STPG2: variants seen among roughly 807,000 people sequenced by gnomAD.
STPG2 encodes the protein sperm tail PG-rich repeat containing 2, also known as sperm-tail PG-rich repeat-containing protein 2.
Under a neutral mutation model 54.2 loss-of-function variants are expected in STPG2, and 56 were observed. The observed-to-expected ratio is 1.03, with a 90% CI of 0.83 to 1.29. STPG2 has a LOEUF of 1.29. STPG2 is among the 50% of genes most tolerant of loss of function. The pLI is 0.00. For missense variants in STPG2, 596 were observed against 544.9 expected (o/e 1.09, Z -0.93); for synonymous variants, 200 against 181.8 (o/e 1.10, Z -0.81).
At chr4:97,919,521 A>C (rs1024962711) in intron 8 of STPG2, among the ~76,000 whole-genome samples, 4 of 151,858 alleles carry the variant, frequency 2.6e-5, no homozygotes, top group Admixed American at 1.3e-4. Flanking sequence ...CATAAACACA[A>C]AAAAAAGAAG....
chr4:98,083,327 A>T (rs573554474), intron 5 of STPG2, among the ~76,000 whole-genome samples: 1 of 152,368 alleles, frequency 6.6e-6, no homozygotes, highest in South Asian at 2.1e-4. Flanking sequence ...GTATATCAGA[A>T]TTAATTTTTT....
chr4:97,685,435 G>T (rs111740131), intron 10 of STPG2, among the ~76,000 whole-genome samples: 1 of 152,084 alleles, frequency 6.6e-6, no homozygotes, highest in African/African-American at 2.4e-5. Flanking sequence ...CATATGAAGT[G>T]AAAAAAGCCA....
rs187650353 is a variant in STPG2 at position 97,615,080 on chromosome 4, C to T, written c.1321-55963G>A. On this transcript the variant is annotated intron_variant, in intron 10 of 10. Transcript: ENST00000295268. ...CTTTGGGGGCACTGTCCCCATTAAC[C>T]TTTTGTGAAGCATTAATGGTTTCAC... Among the ~76,000 whole-genome samples the T allele has an allele frequency of 4.9e-4, 75 of 152,190 alleles. 2 individuals carry two copies. The East Asian group carries it at 0.014, about 28-fold the overall frequency.
intron 8 of STPG2, among the ~76,000 whole-genome samples, chr4:97,881,863 T>A (rs1485363387): frequency 1.3e-5 from 2 of 152,186 alleles, no homozygotes; most frequent in Non-Finnish European, 2.9e-5. Context: ...TTAATGTTTT[T>A]AATTTCAAAA....
rs1487911458 is a variant in STPG2 at position 97,991,069 on chromosome 4, C to T, written c.613-9751G>A. 2.0e-5 allele frequency among the ~76,000 whole-genome samples: 3 copies of T among 151,984 alleles called. No homozygotes were observed. In the East Asian group the frequency reaches 5.8e-4, roughly 29 times the overall value. The stretch of plus-strand genomic sequence containing the variant: ...ATTCTTTTATCCCTCACCTCCATCC[C>T]ACCCTTTCCCTCGAGTCCCCGAAGC... On this transcript the variant is annotated intron_variant, in intron 5 of 10. Transcript: ENST00000295268.
At chr4:97,766,751 C>T (rs1413688369) in intron 9 of STPG2, among the ~76,000 whole-genome samples, 2 of 151,898 alleles carry the variant, frequency 1.3e-5, no homozygotes, top group Admixed American at 1.3e-4. Flanking sequence ...TTGTTTTTGT[C>T]AAATAAATAA....
chr4:97,509,587 A>G (rs977893832), intron 4 of STPG2, among the ~76,000 whole-genome samples: 2 of 152,148 alleles, frequency 1.3e-5, no homozygotes, highest in Non-Finnish European at 1.5e-5. Context: ...ATCTAAAAAC[A>G]AAGCCTTTTT....
At chr4:97,452,120 A>ACCCC in intron 4 of STPG2, among the ~76,000 whole-genome samples, 1 of 19,450 alleles carries the variant, frequency 5.1e-5, no homozygotes, top group African/African-American at 2.6e-4. Flanking sequence ...CCCCGCCCCC[A>ACCCC]CCCCCCCCCC....
In STPG2 at chr4:97,887,923, C is replaced by A. The variant is rs1189344236; in HGVS notation, c.1045-46991G>T. Among the ~76,000 whole-genome samples, 8 of 152,190 alleles carry A rather than the reference C, an allele frequency of 5.3e-5. No individual in the cohort carries two copies. The East Asian group carries it at 1.5e-3, about 29-fold the overall frequency. The stretch of plus-strand genomic sequence containing the variant: ...CTCCCTGCATCCCAGCCACTCCAGC[C>A]TCAGTCATGGCTCAAAAGTGTTCAG... On this transcript the variant is annotated intron_variant, in intron 8 of 10. Transcript: ENST00000295268.
chr4:97,702,474 A>T (rs1455684979), intron 10 of STPG2, among the ~76,000 whole-genome samples: 1 of 152,110 alleles, frequency 6.6e-6, no homozygotes, highest in East Asian at 1.9e-4. Context: ...ACCCACTGGG[A>T]CTTTAATCTA....
At chr4:97,594,154 G>A (rs535694456) in intron 10 of STPG2, among the ~76,000 whole-genome samples, 2 of 152,270 alleles carry the variant, frequency 1.3e-5, no homozygotes, top group East Asian at 3.9e-4. Context: ...AGGCTGAAAT[G>A]GCTGAAATGA....
At chr4:97,908,578 C>A (rs527570450) in intron 8 of STPG2, among the ~76,000 whole-genome samples, 2,448 of 152,046 alleles carry the variant, frequency 0.016, 65 homozygotes, top group African/African-American at 0.056. Flanking sequence ...ATGTTTATTG[C>A]AGCATTATTC....
chr4:97,627,783 C>G (rs1233514496), intron 10 of STPG2, among the ~76,000 whole-genome samples: 1 of 152,094 alleles, frequency 6.6e-6, no homozygotes, highest in Non-Finnish European at 1.5e-5. Context: ...TCACATAACA[C>G]TGGTAGCTAA....
At chr4:97,566,382 C>A (rs184083923) in intron 10 of STPG2, among the ~76,000 whole-genome samples, 1 of 152,178 alleles carries the variant, frequency 6.6e-6, no homozygotes, top group African/African-American at 2.4e-5. Flanking sequence ...TGTCCCCTTG[C>A]GCTTCCCGAG....
chr4:97,859,413 G>T (rs1729439922), intron 8 of STPG2, among the ~76,000 whole-genome samples: 1 of 150,704 alleles, frequency 6.6e-6, no homozygotes, highest in Non-Finnish European at 1.5e-5. Context: ...AGTTTAATTG[G>T]GTTCATCTAT....
intron 5 of STPG2, among the ~76,000 whole-genome samples, chr4:98,101,631 C>T (rs114430351): frequency 2.4e-3 from 362 of 152,154 alleles, no homozygotes; most frequent in African/African-American, 8.4e-3. Context: ...GTAGCAATTC[C>T]TGCGAGAGCT....
At chr4:97,648,094 C>T (rs917625456) in intron 10 of STPG2, among the ~76,000 whole-genome samples, 7 of 152,140 alleles carry the variant, frequency 4.6e-5, no homozygotes, top group Admixed American at 2.6e-4. Flanking sequence ...TAGTTGCTGG[C>T]GTGGTCTGAA....
chr4:97,821,153 G>A (rs1489583207), intron 9 of STPG2, among the ~76,000 whole-genome samples: 1 of 152,168 alleles, frequency 6.6e-6, no homozygotes, highest in Non-Finnish European at 1.5e-5. Context: ...GTACAATGGA[G>A]GTTCAGGAAT....
At chr4:97,635,889 A>G (rs1401608414) in intron 10 of STPG2, among the ~76,000 whole-genome samples, 5 of 152,116 alleles carry the variant, frequency 3.3e-5, no homozygotes. Flanking sequence ...CACATTAACA[A>G]TGGGAGACTT....
Sources: allele counts gnomAD v4.1 joint callset (sites outside exome capture counted in the v4.1 genomes callset), GRCh38; gene constraint gnomAD v4.1.1; transcripts MANE v1.5; gene names NCBI Gene and HGNC (gene_info 2026-07-23, HGNC 2026-07-21).